NEK10: variants seen among roughly 807,000 people sequenced by gnomAD.
NEK10 encodes the protein NIMA related kinase 10.
Under a neutral mutation model 159.8 loss-of-function variants are expected in NEK10, and 122 were observed. The observed-to-expected ratio is 0.76, with a 90% CI of 0.66 to 0.89. The LOEUF (loss-of-function observed/expected upper bound fraction) is 0.89. Among genes scored for constraint, NEK10 ranks in the 40% least tolerant of loss-of-function variants. NEK10 has a pLI of 0.00. For missense variants in NEK10, 1,342 were observed against 1,323.1 expected, an observed-to-expected ratio of 1.01 and a Z score of -0.22; for synonymous variants, 466 against 457.1, an observed-to-expected ratio of 1.02 and a Z score of -0.25.
chr3:27,317,782 TTTATTTATTTATTTATTTA>T (rs2149633077), intron 6 of NEK10, among the ~76,000 whole-genome samples: 1 of 151,594 alleles, frequency 6.6e-6, no homozygotes, highest in African/African-American at 2.4e-5. Context: ...CTCCATAAAG[TTTATTTATTTATTTATTTA>T]TTATTTATTT....
intron 22 of NEK10, among the ~76,000 whole-genome samples, chr3:27,270,480 C>G (rs2041249794): frequency 6.6e-6 from 1 of 152,108 alleles, no homozygotes; most frequent in Non-Finnish European, 1.5e-5. Context: ...CTCCTGGACT[C>G]CTGACCCTCA....
chr3:27,339,090 A>G (rs2047018850), intron 5 of NEK10, among the ~76,000 whole-genome samples: 3 of 152,244 alleles, frequency 2.0e-5, no homozygotes, highest in Admixed American at 6.5e-5. Flanking sequence ...AAACAGCTCA[A>G]TAGCAAAAAA....
intron 32 of NEK10, among the ~76,000 whole-genome samples, chr3:27,124,043 G>GA (rs1236980408): frequency 6.6e-6 from 1 of 151,920 alleles, no homozygotes; most frequent in Non-Finnish European, 1.5e-5. Flanking sequence ...AGTGTGACAT[G>GA]ATCTGTTTTG....
At chr3:27,208,671 TAA>T (rs992667474) in intron 23 of NEK10, among the ~76,000 whole-genome samples, 4 of 152,204 alleles carry the variant, frequency 2.6e-5, no homozygotes, top group African/African-American at 9.7e-5. Context: ...TAAATGGGTA[TAA>T]GAGTCATTAA....
chr3:27,346,718 T>G (rs891432139), intron 3 of NEK10, among the ~76,000 whole-genome samples: 7 of 152,194 alleles, frequency 4.6e-5, no homozygotes, highest in African/African-American at 1.7e-4. Flanking sequence ...TCATTCATTC[T>G]TCAATATTTA....
chr3:27,207,268 A>G (rs1185594509), intron 23 of NEK10, among the ~76,000 whole-genome samples: 1 of 152,206 alleles, frequency 6.6e-6, no homozygotes, highest in Non-Finnish European at 1.5e-5. Context: ...GGTTTATAAG[A>G]ACTAGCTTAT....
intron 22 of NEK10, among the ~76,000 whole-genome samples, chr3:27,263,999 GATGT>G (rs1174703376): frequency 1.3e-5 from 2 of 152,138 alleles, no homozygotes; most frequent in Non-Finnish European, 2.9e-5. Flanking sequence ...TTGAATAAAT[GATGT>G]ATATTATTAT....
chr3:27,116,115 C>T lies in NEK10; in HGVS notation c.3203G>A (p.Ser1068Asn), dbSNP rs149829851. Residue 1068 changes from serine to asparagine, a missense_variant, in exon 34 of 36, where the codon AGC becomes AAC. Transcript: ENST00000691995. ...TGTTATTCCTTCCTCCAATTCAATG[C>T]TGGTTGGTAAACCTAAAAAAGATAA... ...SPNDPTGLPT[S>N]IELEEGITYE... 947 of 1,613,346 alleles carry T rather than the reference C, an allele frequency of 5.9e-4. No individual in the cohort carries two copies. The highest frequency in any genetic ancestry group is 7.4e-4 in the Non-Finnish European group (870 of 1,179,662).
chr3:27,135,832 A>G (rs1008601356), intron 31 of NEK10, among the ~76,000 whole-genome samples: 2 of 152,166 alleles, frequency 1.3e-5, no homozygotes, highest in Admixed American at 1.3e-4. Flanking sequence ...ACTTTATCCT[A>G]AATATCTTAT....
chr3:27,184,853 A>T (rs948472785), intron 26 of NEK10, among the ~76,000 whole-genome samples: 1 of 152,206 alleles, frequency 6.6e-6, no homozygotes, highest in Non-Finnish European at 1.5e-5. Flanking sequence ...CTCCTAGCAG[A>T]GGATTGCAGA....
intron 22 of NEK10, among the ~76,000 whole-genome samples, chr3:27,260,206 T>C (rs946640710): frequency 6.6e-6 from 1 of 152,186 alleles, no homozygotes; most frequent in African/African-American, 2.4e-5. Flanking sequence ...TTGAATACCC[T>C]TTATTTCCTT....
intron 28 of NEK10, among the ~76,000 whole-genome samples, chr3:27,173,377 A>G (rs1408317290): frequency 6.6e-6 from 1 of 152,212 alleles, no homozygotes; most frequent in Non-Finnish European, 1.5e-5. Context: ...AGTCAGTAAT[A>G]AACTTCTTCT....
chr3:27,157,334 G>A (rs2148788730), intron 30 of NEK10, among the ~76,000 whole-genome samples: 1 of 152,144 alleles, frequency 6.6e-6, no homozygotes, highest in Non-Finnish European at 1.5e-5. Flanking sequence ...AAAAAATTAT[G>A]ATGAATGGTC....
chr3:27,232,648 C>T (rs1387813687), intron 23 of NEK10, among the ~76,000 whole-genome samples: 1 of 151,982 alleles, frequency 6.6e-6, no homozygotes, highest in Non-Finnish European at 1.5e-5. Context: ...CATCACATTA[C>T]CAGACTTCAA....
chr3:27,277,960 G>A (rs2041887896), intron 22 of NEK10, among the ~76,000 whole-genome samples: 1 of 152,172 alleles, frequency 6.6e-6, no homozygotes, highest in African/African-American at 2.4e-5. Context: ...AGCATTAGCA[G>A]GATAGGAGTC....
At chr3:27,319,858 G>A (rs902474242) in intron 6 of NEK10, among the ~76,000 whole-genome samples, 1 of 152,140 alleles carries the variant, frequency 6.6e-6, no homozygotes, top group African/African-American at 2.4e-5. Context: ...AGAATAATGG[G>A]GGCAGGAGAG....
At chr3:27,177,093 A>C (rs1947574116) in intron 26 of NEK10, among the ~76,000 whole-genome samples, 1 of 152,208 alleles carries the variant, frequency 6.6e-6, no homozygotes, top group Non-Finnish European at 1.5e-5. Context: ...TGGGTCATAA[A>C]TCAATAGTCA....
chr3:27,169,099 G>A lies in NEK10; in HGVS notation c.2831+2720C>T, dbSNP rs1402268252. On this transcript the variant is annotated intron_variant, in intron 29 of 35. Transcript: ENST00000691995. Reference sequence around the variant, plus strand: ...CCATGGATCCTTTAAAAAAATAGTAGAATTATTTTTGACAGGGCCAAGATA... The same window carrying A: ...CCATGGATCCTTTAAAAAAATAGTAAAATTATTTTTGACAGGGCCAAGATA... Among the ~76,000 whole-genome samples the A allele has an allele frequency of 2.0e-5, 3 of 152,094 alleles. No individual in the cohort carries two copies. In the East Asian group the frequency reaches 5.8e-4, roughly 29 times the overall value.
rs768282619 is a variant in NEK10 at position 27,108,307 on chromosome 3, G to T, written c.*2965C>A. 6.6e-6 allele frequency among the ~76,000 whole-genome samples: 1 copy of T among 152,178 alleles called. No homozygotes were observed. The highest frequency in any genetic ancestry group is 1.5e-5 in the Non-Finnish European group (1 of 68,038). ...CTAGGTTTCTGAAATTCATCCACAA[G>T]CAGTGGGTCCAAGTGTCCACGTCAC... On this transcript the variant is annotated 3_prime_UTR_variant, in exon 36 of 36. Coordinates refer to ENST00000691995, the MANE Select transcript of NEK10 (RefSeq NM_001394966.1).
Sources: gnomAD v4.1 joint callset for allele counts (sites outside exome capture counted in the v4.1 genomes callset) on GRCh38, gnomAD v4.1.1 for gene constraint, MANE v1.5 for transcripts, NCBI Gene and HGNC (gene_info 2026-07-23, HGNC 2026-07-21) for gene names.